The following COL23A1 variants were observed in gnomAD, a reference collection of about 807,000 sequenced individuals.
COL23A1 encodes collagen alpha-1(XXIII) chain.
A neutral mutation model predicts 99.3 loss-of-function variants in COL23A1; 97 were observed. The observed-to-expected ratio is 0.98, with a 90% CI of 0.83 to 1.16. COL23A1 has a LOEUF of 1.16. Among genes scored for constraint, COL23A1 ranks in the 50% most tolerant of loss-of-function variants. The pLI, the probability that COL23A1 is intolerant of heterozygous loss-of-function variation, is 0.00. For missense variants in COL23A1, 762 were observed against 757.4 expected (o/e 1.01, Z -0.07); for synonymous variants, 320 against 308.2 (o/e 1.04, Z -0.40).
At chr5:178,524,088 G>C (rs147213624) in intron 2 of COL23A1, among the ~76,000 whole-genome samples, 2 of 152,252 alleles carry the variant, frequency 1.3e-5, no homozygotes, top group Non-Finnish European at 2.9e-5. Context: ...CCAAGGGTCA[G>C]AACCTGGGTC....
chr5:178,317,010 G>C (rs1759017863), intron 2 of COL23A1, among the ~76,000 whole-genome samples: 1 of 152,170 alleles, frequency 6.6e-6, no homozygotes, highest in African/African-American at 2.4e-5. Flanking sequence ...TGTTATGATA[G>C]TTAATATTTA....
intron 2 of COL23A1, among the ~76,000 whole-genome samples, chr5:178,453,277 A>T (rs12652427): frequency 6.6e-6 from 1 of 152,050 alleles, no homozygotes; most frequent in Non-Finnish European, 1.5e-5. Flanking sequence ...GGAAGAGAAC[A>T]GGACATCTGG....
At chr5:178,386,955 T>C (rs530798032) in intron 2 of COL23A1, among the ~76,000 whole-genome samples, 116 of 152,184 alleles carry the variant, frequency 7.6e-4, no homozygotes, top group Admixed American at 2.7e-3. Context: ...GCTTCCAATA[T>C]TGCACTATTA....
At chr5:178,419,851 G>A (rs1006446559) in intron 2 of COL23A1, among the ~76,000 whole-genome samples, 4 of 152,104 alleles carry the variant, frequency 2.6e-5, no homozygotes, top group African/African-American at 7.2e-5. Context: ...TTCAAACTGC[G>A]TTCAAATAAG....
In COL23A1 at chr5:178,288,623, A is replaced by C. The variant is rs1036587682; in HGVS notation, c.415-273T>G. ...TGTGCCCTCCCCACGCTGGCCAGGC[A>C]TAGGGTAAATGCCACGTGGGGACGT... On this transcript the variant is annotated intron_variant, in intron 4 of 28. Transcript: ENST00000390654. 3 of 581,162 alleles carry C rather than the reference A, an allele frequency of 5.2e-6. No homozygotes were observed. In the African/African-American group the frequency reaches 5.6e-5, roughly 11 times the overall value. 36.0% of individuals were successfully genotyped at this position (581,162 alleles called of 1,614,324 possible).
intron 2 of COL23A1, among the ~76,000 whole-genome samples, chr5:178,484,892 G>A (rs902532408): frequency 2.7e-5 from 4 of 148,808 alleles, no homozygotes; most frequent in African/African-American, 9.9e-5. Context: ...ATAAATAAAA[G>A]CCCATATTTG....
chr5:178,576,142 T>C (rs1763343230), intron 1 of COL23A1, among the ~76,000 whole-genome samples: 1 of 152,216 alleles, frequency 6.6e-6, no homozygotes, highest in African/African-American at 2.4e-5. Context: ...GGGGTGATTT[T>C]GCGAAGGTAG....
In COL23A1 at chr5:178,337,272, G is replaced by A. The variant is rs550022325; in HGVS notation, c.362-30353C>T. Among the ~76,000 whole-genome samples, 55 of 152,372 alleles carry A rather than the reference G, an allele frequency of 3.6e-4. 1 individual carries two copies. The East Asian group carries it at 9.2e-3, about 26-fold the overall frequency. On this transcript the variant is annotated intron_variant, in intron 2 of 28. Coordinates refer to ENST00000390654, the MANE Select transcript of COL23A1 (RefSeq NM_173465.4). ...GCGTGTGAGGGCGAGGAGAGCATGC[G>A]TGTTCCTGTCCCGGTGATCCCCGGC... is the stretch of plus-strand genomic sequence containing the variant.
chr5:178,414,211 G>T (rs1765186555), intron 2 of COL23A1, among the ~76,000 whole-genome samples: 1 of 152,166 alleles, frequency 6.6e-6, no homozygotes, highest in South Asian at 2.1e-4. Context: ...ATCAGCAACA[G>T]CATCAGGTGA....
chr5:178,307,193 T>C lies in COL23A1; in HGVS notation c.362-274A>G, dbSNP rs1208864348. On this transcript the variant is annotated intron_variant, in intron 2 of 28. Coordinates refer to ENST00000390654, the MANE Select transcript of COL23A1 (RefSeq NM_173465.4). This position sits in a 1 kb window ranked among gnomAD's most constrained non-coding sequence, Gnocchi z 4.2. ...GTCATTCAATCATCGGCTCACTCAG[T>C]CATTCCTAAGCCCTCCCCTAATCAC... is the stretch of plus-strand genomic sequence containing the variant. 6.6e-6 allele frequency among the ~76,000 whole-genome samples: 1 copy of C among 152,150 alleles called. No individual in the cohort carries two copies. The highest frequency in any genetic ancestry group is 1.5e-5 in the Non-Finnish European group (1 of 68,030).
rs1278293502 is a variant in COL23A1 at position 178,468,071 on chromosome 5, GGT to G, written c.361+92609_361+92610del. Among the ~76,000 whole-genome samples, 1 of 152,174 alleles carries G rather than the reference GGT, an allele frequency of 6.6e-6. No individual in the cohort carries two copies. Among genetic ancestry groups the G allele is most frequent in the African/African-American group, 2.4e-5 (1 of 41,432 alleles). On this transcript the variant is annotated intron_variant, in intron 2 of 28. Transcript: ENST00000390654. This position sits in a 1 kb window ranked among gnomAD's most constrained non-coding sequence, Gnocchi z 4.2. ...CGCATCACCTAACAGCCTCTGGGGC[GGT>G]GTGTTCCTTATGTTGGGAGTGGTTT... is the stretch of plus-strand genomic sequence containing the variant.
chr5:178,252,572 G>C lies in COL23A1; in HGVS notation c.986C>G (p.Pro329Arg). 1 of 1,611,292 alleles carries C rather than the reference G, an allele frequency of 6.2e-7. No homozygotes were observed. Among genetic ancestry groups the C allele is most frequent in the Non-Finnish European group, 8.5e-7 (1 of 1,178,792 alleles). Reference protein sequence around the residue: ...LKGPPGPQGPPGPPGIPGAKG... With the variant: ...LKGPPGPQGPRGPPGIPGAKG... ...GGCTCCAGGGATCCCTGGTGGCCCT[G>C]GGGGCCCCTGTGGTCCGGGAGGCCC... Residue 329 changes from proline to arginine, a missense_variant, in exon 17 of 29, where the codon CCA becomes CGA. Physicochemically the swap from Pro to Arg is moderately radical, Grantham distance 103 (BLOSUM62 -2). Coordinates refer to ENST00000390654, the MANE Select transcript of COL23A1 (RefSeq NM_173465.4).
chr5:178,537,150 T>C (rs913630967), intron 2 of COL23A1, among the ~76,000 whole-genome samples: 1 of 152,078 alleles, frequency 6.6e-6, no homozygotes, highest in African/African-American at 2.4e-5. Flanking sequence ...GGGTCCCACA[T>C]ACAGGCCGGG....
At position 178,296,758 on chromosome 5, in the gene COL23A1, G is replaced by A. The variant is rs980062984; in HGVS notation, c.407-6389C>T. On this transcript the variant is annotated intron_variant, in intron 3 of 28. Coordinates refer to ENST00000390654, the MANE Select transcript of COL23A1 (RefSeq NM_173465.4). The stretch of plus-strand genomic sequence containing the variant: ...GGCAGAGTGGGAATGGCAGCGTTCC[G>A]GAGACTGATCTCGTTGCTCGTGGGA... Among the ~76,000 whole-genome samples, 14 of 152,058 alleles carry A rather than the reference G, an allele frequency of 9.2e-5. No homozygotes were observed. In the East Asian group the frequency reaches 9.6e-4, roughly 10 times the overall value.
At chr5:178,247,431 G>C (rs1462023926) in intron 22 of COL23A1, 95 bp downstream of exon 22, 2 of 1,395,612 alleles carry the variant, frequency 1.4e-6, no homozygotes, top group African/African-American at 2.8e-5. Context: ...GGCCAGGGCG[G>C]AGCGTCAGGC....
intron 2 of COL23A1, chr5:178,378,289 A>T (rs1763189723): frequency 6.6e-6 from 1 of 152,178 alleles, no homozygotes; most frequent in Non-Finnish European, 1.5e-5. Flanking sequence ...CCCTGGGAAA[A>T]TGCACATGTG....
intron 1 of COL23A1, among the ~76,000 whole-genome samples, chr5:178,572,766 A>G (rs1314092460): frequency 6.6e-6 from 1 of 152,254 alleles, no homozygotes; most frequent in Non-Finnish European, 1.5e-5. Flanking sequence ...CAAAAACTGG[A>G]AACAATCCAA....
chr5:178,318,880 C>T (rs1182822013), intron 2 of COL23A1, among the ~76,000 whole-genome samples: 3 of 141,278 alleles, frequency 2.1e-5, no homozygotes, highest in East Asian at 2.0e-4. Flanking sequence ...CTAGCCTGGG[C>T]GATACAGCAA....
chr5:178,535,768 A>G (rs1760904876), intron 2 of COL23A1, among the ~76,000 whole-genome samples: 1 of 152,258 alleles, frequency 6.6e-6, no homozygotes, highest in South Asian at 2.1e-4. Context: ...GGAGGTCCCA[A>G]GTGCTCACCT....
Sources: gnomAD v4.1 joint callset for allele counts (sites outside exome capture counted in the v4.1 genomes callset) on GRCh38, gnomAD v4.1.1 for gene constraint, Gnocchi (gnomAD v3.1) non-coding constraint, MANE v1.5 for transcripts, NCBI Gene and HGNC (gene_info 2026-07-23, HGNC 2026-07-21) for gene names.